Variants in CCDC61 observed in about 807,000 individuals in gnomAD.
The protein encoded by CCDC61 is coiled-coil domain containing 61.
CCDC61 carries 55 observed loss-of-function variants against 63.0 expected under a neutral mutation model. That is an observed-to-expected ratio of 0.87 (90% CI 0.70 to 1.09). CCDC61 has a LOEUF of 1.09. Among genes scored for constraint, CCDC61 ranks in the 50% least tolerant of loss-of-function variants. The pLI, the probability that CCDC61 is intolerant of heterozygous loss-of-function variation, is 0.00. For synonymous variants in CCDC61, 270 were observed against 317.0 expected (o/e 0.85, Z 1.58); for missense variants, 651 against 731.4 (o/e 0.89, Z 1.27).
rs146053428 is a variant in CCDC61, at chr19:46,013,117, C to T, written c.552-1932C>T. 1.4e-3 allele frequency among the ~76,000 whole-genome samples: 208 copies of T among 152,238 alleles called. 1 individual carries two copies. Among genetic ancestry groups the T allele is most frequent in the African/African-American group, 4.5e-3 (189 of 41,542 alleles). ...ATCTCTGCCTTCTGCCTCCTGGGCT[C>T]AAGCGATTCTCCTGCCTCAGCCTCC... On this transcript the variant is annotated intron_variant, in intron 5 of 13. Transcript: ENST00000595358.
chr19:46,004,478 T>G (rs7256267), intron 3 of CCDC61, among the ~76,000 whole-genome samples: 43,704 of 151,978 alleles, frequency 0.29, 8,528 homozygotes, highest in African/African-American at 0.55. Context: ...TTTGTTTGTT[T>G]GTTTGAGATG....
chr19:46,015,201 G>C lies in CCDC61; in HGVS notation c.704G>C (p.Gly235Ala). 7.8e-7 allele frequency: 1 copy of C among 1,288,802 alleles called. No homozygotes were observed. Among genetic ancestry groups the C allele is most frequent in the Non-Finnish European group, 9.8e-7 (1 of 1,022,648 alleles). The allele number at this position is 1,288,802 out of a possible 1,614,324, so 79.8% of individuals were successfully genotyped here. Residue 235 changes from glycine (G) to alanine (A), a missense_variant, in exon 6 of 14, where the codon GGC (glycine) becomes GCC (alanine). By Grantham distance (60) the Gly-to-Ala change is moderately conservative. Transcript: ENST00000595358. This position sits in a 1 kb window ranked among gnomAD's most constrained non-coding sequence, Gnocchi z 5.3. The stretch of plus-strand genomic sequence containing the variant: ...GAGCTGGAGCTGCGGCAGGAGCGCG[G>C]CCTCGGGCACAGGGTGGCCGGCCGT... ...GLELELRQER[G>A]LGHRVAGRRG...
At chr19:46,017,183 G>A (rs1968960748) in intron 11 of CCDC61, 64 bp from the exon 12 acceptor site, 12 of 1,542,162 alleles carry the variant, frequency 7.8e-6, no homozygotes, top group Non-Finnish European at 1.1e-5. Context: ...AACCACAAAG[G>A]TCGGGGAGGT....
At chr19:46,012,957 C>T (rs118135552) in intron 5 of CCDC61, among the ~76,000 whole-genome samples, 2,112 of 151,850 alleles carry the variant, frequency 0.014, 21 homozygotes, top group Middle Eastern at 0.027. Flanking sequence ...GTTCAGACAA[C>T]CTTCCTGCCT....
chr19:46,018,021 G>A lies in CCDC61; in HGVS notation c.1369-57G>A. The stretch of plus-strand genomic sequence containing the variant: ...GCTCAGGATTTCCAGTGGGATTTAG[G>A]GGGACAGAAATAGAGGGACGGTGGG... On this transcript the variant is annotated intron_variant, in intron 12 of 13. Coordinates refer to ENST00000595358, the MANE Select transcript of CCDC61 (RefSeq NM_001267723.2). This position sits in a 1 kb window ranked among gnomAD's most constrained non-coding sequence, Gnocchi z 4.2. 1 of 1,462,828 alleles carries A rather than the reference G, an allele frequency of 6.8e-7. No homozygotes were observed. Among genetic ancestry groups the A allele is most frequent in the Non-Finnish European group, 9.3e-7 (1 of 1,075,334 alleles). 90.6% of individuals were successfully genotyped at this position (1,462,828 alleles called of 1,614,324 possible). A position where few individuals can be genotyped will look rare whatever the true frequency, so the allele number is the denominator to read the frequency against.
In CCDC61 at chr19:46,016,838, C is replaced by T; in HGVS notation, c.1231+5C>T. Reference sequence around the variant, plus strand: ...CCCGAAACCGCAGCTCCTCAGGTAACTGGCCTGGAGCTGGGGGCTGCCGGG... The same window carrying T: ...CCCGAAACCGCAGCTCCTCAGGTAATTGGCCTGGAGCTGGGGGCTGCCGGG... On this transcript the variant is annotated splice_donor_5th_base_variant and intron_variant, in intron 10 of 13. Transcript: ENST00000595358. The surrounding 1 kb of genome is among the most constrained non-coding windows in gnomAD (Gnocchi z 7.2). The T allele has an allele frequency of 1.4e-6, 2 of 1,480,168 alleles. No homozygotes were observed. The highest frequency in any genetic ancestry group is 1.3e-5 in the South Asian group (1 of 77,286). The allele number at this position is 1,480,168 out of a possible 1,614,324, so 91.7% of individuals were successfully genotyped here. A position where few individuals can be genotyped will look rare whatever the true frequency, so the allele number is the denominator to read the frequency against.
intron 4 of CCDC61, among the ~76,000 whole-genome samples, chr19:46,007,522 T>C (rs1968735567): frequency 1.3e-5 from 2 of 152,136 alleles, no homozygotes; most frequent in Admixed American, 1.3e-4. Context: ...CCCAACAGAT[T>C]TCCTGTAATA....
At chr19:45,998,964 A>G (rs1968542040) in intron 1 of CCDC61, among the ~76,000 whole-genome samples, 1 of 152,118 alleles carries the variant, frequency 6.6e-6, no homozygotes, top group Admixed American at 6.6e-5. Flanking sequence ...AGGAAACAGG[A>G]GGTGGTCAGG....
chr19:45,997,769 C>G (rs1968521135), intron 1 of CCDC61, among the ~76,000 whole-genome samples: 1 of 152,106 alleles, frequency 6.6e-6, no homozygotes, highest in Admixed American at 6.6e-5. Context: ...TCACTACAAC[C>G]TACGCCTCCC....
intron 3 of CCDC61, among the ~76,000 whole-genome samples, chr19:46,004,835 C>CT (rs748867869): frequency 0.028 from 2,674 of 95,270 alleles, 215 homozygotes; most frequent in African/African-American, 0.037. Context: ...ATTTAGATAT[C>CT]TTTTTTTTTT....
intron 3 of CCDC61, among the ~76,000 whole-genome samples, chr19:46,005,458 A>G (rs1345653641): frequency 1.3e-5 from 2 of 151,900 alleles, no homozygotes; most frequent in African/African-American, 4.8e-5. Context: ...TTGTAACATC[A>G]TGCATTGGTC....
chr19:46,004,526 G>C (rs536340743), intron 3 of CCDC61, among the ~76,000 whole-genome samples: 4 of 151,790 alleles, frequency 2.6e-5, no homozygotes, highest in Admixed American at 2.6e-4. Flanking sequence ...GTGCAGTGGC[G>C]TGATCTCAAC....
rs1968940525 is a variant in CCDC61, at chr19:46,016,537, C to T, written c.1091+144C>T. ...ATACCCCGCCTGCTCTCCCTTCCGTCCGTCCTACCTCCTCGTCTGTGTTTC... is the reference window on the plus strand; with the variant it reads ...ATACCCCGCCTGCTCTCCCTTCCGTTCGTCCTACCTCCTCGTCTGTGTTTC... On this transcript the variant is annotated intron_variant, in intron 9 of 13. Transcript: ENST00000595358. The surrounding 1 kb of genome is among the most constrained non-coding windows in gnomAD (Gnocchi z 7.2). The T allele has an allele frequency of 4.4e-6, 6 of 1,373,092 alleles. No individual in the cohort carries two copies. The East Asian group carries it at 1.2e-4, about 28-fold the overall frequency. 85.1% of individuals were successfully genotyped at this position (1,373,092 alleles called of 1,614,324 possible).
rs1200710594 is a variant in CCDC61 at position 46,018,272 on chromosome 19, C to T, written c.1442-18C>T. 6.4e-7 allele frequency: 1 copy of T among 1,559,114 alleles called. No individual in the cohort carries two copies. Among genetic ancestry groups the T allele is most frequent in the South Asian group, 1.2e-5 (1 of 84,676 alleles). Reference sequence around the variant, plus strand: ...TTCAGGCCCCTCACAGCCCCCATACCCACACCTGCTCTCACAGAGTACAGC... The same window carrying T: ...TTCAGGCCCCTCACAGCCCCCATACTCACACCTGCTCTCACAGAGTACAGC... On this transcript the variant is annotated intron_variant, in intron 13 of 13. Coordinates refer to ENST00000595358, the MANE Select transcript of CCDC61 (RefSeq NM_001267723.2). This position sits in a 1 kb window ranked among gnomAD's most constrained non-coding sequence, Gnocchi z 4.2.
In CCDC61 at chr19:46,017,227, T is replaced by C; in HGVS notation, c.1311-20T>C. On this transcript the variant is annotated intron_variant, in intron 11 of 13. Coordinates refer to ENST00000595358, the MANE Select transcript of CCDC61 (RefSeq NM_001267723.2). ...CCAGAGCCTCCCCACCACTGGTCCT[T>C]GGTTACTCCTTTTTCTCAGGGGTCA... The C allele has an allele frequency of 6.4e-7, 1 of 1,558,188 alleles. No homozygotes were observed. The highest frequency in any genetic ancestry group is 8.7e-7 in the Non-Finnish European group (1 of 1,150,432).
At chr19:45,996,794 A>C (rs62113435) in intron 1 of CCDC61, among the ~76,000 whole-genome samples, 15 of 151,600 alleles carry the variant, frequency 9.9e-5, no homozygotes, top group Non-Finnish European at 1.8e-4. Flanking sequence ...CCAGAATCCA[A>C]CCATGCCTCA....
intron 3 of CCDC61, among the ~76,000 whole-genome samples, chr19:46,006,074 C>G (rs1968703067): frequency 6.6e-6 from 1 of 152,076 alleles, no homozygotes; most frequent in Non-Finnish European, 1.5e-5. Context: ...TTGTTTATTT[C>G]TCTTCCCCAG....
intron 4 of CCDC61, among the ~76,000 whole-genome samples, chr19:46,007,868 G>A (rs1208773278): frequency 6.6e-6 from 1 of 152,134 alleles, no homozygotes; most frequent in African/African-American, 2.4e-5. Context: ...CCCTTCATCA[G>A]CAGTGGGTGA....
rs201360874 is a variant in CCDC61 at position 46,016,294 on chromosome 19, G to A, written c.1016-24G>A. 1.2e-4 allele frequency: 195 copies of A among 1,612,398 alleles called. No homozygotes were observed. In the African/African-American group the frequency reaches 2.4e-3, roughly 20 times the overall value. ...CCAAGGCCCGTCTCCGGACCTAGCC[G>A]CCTCCTCTCCCACGCCGTCCTAGGT... On this transcript the variant is annotated intron_variant, in intron 8 of 13. Coordinates refer to ENST00000595358, the MANE Select transcript of CCDC61 (RefSeq NM_001267723.2). This position sits in a 1 kb window ranked among gnomAD's most constrained non-coding sequence, Gnocchi z 7.2.
Sources: gnomAD v4.1 joint callset for allele counts (sites outside exome capture counted in the v4.1 genomes callset) on GRCh38, gnomAD v4.1.1 for gene constraint, Gnocchi (gnomAD v3.1) non-coding constraint, MANE v1.5 for transcripts, NCBI Gene and HGNC (gene_info 2026-07-23, HGNC 2026-07-21) for gene names.